Variants in SND1 observed in about 807,000 individuals in gnomAD.
SND1 encodes staphylococcal nuclease and tudor domain containing 1.
In SND1, 38 loss-of-function variants were observed where a neutral mutation model predicts 121.7. That is an observed-to-expected ratio of 0.31 (90% CI 0.24 to 0.41). The LOEUF (loss-of-function observed/expected upper bound fraction) is 0.41. Among genes scored for constraint, SND1 ranks in the 10% least tolerant of loss-of-function variants. SND1 has a pLI of 1.00. For synonymous variants in SND1, 401 were observed against 447.4 expected, an observed-to-expected ratio of 0.90 and a Z score of 1.31; for missense variants, 868 against 1,184.6, an observed-to-expected ratio of 0.73 and a Z score of 3.92.
At chr7:128,027,995 T>C (rs775305528) in intron 16 of SND1, 1 of 152,080 alleles carries the variant, frequency 6.6e-6, no homozygotes, top group Non-Finnish European at 1.5e-5. Context: ...GCAAGGCACA[T>C]GTGTGTCCAG....
At chr7:128,066,001 T>A (rs1385407922) in intron 16 of SND1, among the ~76,000 whole-genome samples, 1 of 152,196 alleles carries the variant, frequency 6.6e-6, no homozygotes, top group African/African-American at 2.4e-5. Flanking sequence ...CCTGGGAAGA[T>A]GAACAGTCTG....
intron 16 of SND1, chr7:128,030,047 G>A (rs1322298985): frequency 6.2e-7 from 1 of 1,613,338 alleles, no homozygotes; most frequent in African/African-American, 1.3e-5. Flanking sequence ...TCAGATACTT[G>A]AGGTTGAACA....
At chr7:127,828,388 G>C (rs1011375078) in intron 11 of SND1, among the ~76,000 whole-genome samples, 1 of 152,026 alleles carries the variant, frequency 6.6e-6, no homozygotes, top group Admixed American at 6.5e-5. Context: ...GTGGGGCTTT[G>C]GATCATTCCT....
chr7:127,860,641 G>A (rs760923723), intron 12 of SND1, among the ~76,000 whole-genome samples: 1 of 152,216 alleles, frequency 6.6e-6, no homozygotes, highest in East Asian at 1.9e-4. Context: ...CAAATTCATC[G>A]ATTTTATCTG....
At chr7:127,735,060 G>A (rs1397740038) in intron 10 of SND1, among the ~76,000 whole-genome samples, 1 of 152,126 alleles carries the variant, frequency 6.6e-6, no homozygotes, top group Admixed American at 6.5e-5. Context: ...TATGTGCCTG[G>A]CCCAGGTAGA....
At chr7:127,870,574 T>C (rs1799566543) in intron 12 of SND1, among the ~76,000 whole-genome samples, 1 of 152,168 alleles carries the variant, frequency 6.6e-6, no homozygotes. Context: ...CTGAATACTA[T>C]AGGCAGTTAT....
chr7:127,818,536 C>T lies in SND1; in HGVS notation c.1242+10963C>T, dbSNP rs147882670. Reference sequence around the variant, plus strand: ...TGCTGTTCCCATCTCCCTCTCAGCCCCTGGCTTGGGATTCTTAATGTTCCT... The same window carrying T: ...TGCTGTTCCCATCTCCCTCTCAGCCTCTGGCTTGGGATTCTTAATGTTCCT... On this transcript the variant is annotated intron_variant, in intron 11 of 23. Coordinates refer to ENST00000354725, the MANE Select transcript of SND1 (RefSeq NM_014390.4). Among the ~76,000 whole-genome samples the T allele has an allele frequency of 9.1e-4, 139 of 152,288 alleles. 1 individual carries two copies. Among genetic ancestry groups the T allele is most frequent in the Middle Eastern group, 3.4e-3 (1 of 294 alleles).
intron 11 of SND1, among the ~76,000 whole-genome samples, chr7:127,838,023 G>A (rs544059950): frequency 8.5e-5 from 13 of 152,120 alleles, no homozygotes; most frequent in Admixed American, 1.3e-4. Context: ...GGGTTGGACC[G>A]CACAGTCTAA....
intron 16 of SND1, among the ~76,000 whole-genome samples, chr7:128,014,465 G>T (rs1803182352): frequency 6.6e-6 from 1 of 152,204 alleles, no homozygotes; most frequent in South Asian, 2.1e-4. Flanking sequence ...CTGTCTCCAA[G>T]AGTCCTCACT....
intron 16 of SND1, among the ~76,000 whole-genome samples, chr7:128,034,158 T>C (rs562040797): frequency 2.0e-5 from 3 of 152,122 alleles, no homozygotes; most frequent in Non-Finnish European, 4.4e-5. Flanking sequence ...GCCCGCTGTG[T>C]CTACTCTTCA....
At chr7:128,070,585 A>C (rs2117045573) in intron 16 of SND1, among the ~76,000 whole-genome samples, 1 of 152,318 alleles carries the variant, frequency 6.6e-6, no homozygotes, top group South Asian at 2.1e-4. Context: ...TTTGCAAATT[A>C]CACAACACTC....
At chr7:127,758,622 C>T (rs1349422928) in intron 10 of SND1, among the ~76,000 whole-genome samples, 1 of 152,132 alleles carries the variant, frequency 6.6e-6, no homozygotes, top group Non-Finnish European at 1.5e-5. Flanking sequence ...TTTACTACTA[C>T]CTGATCATAT....
Position 128,085,696 on chromosome 7 carries a change from A to G in SND1, c.2235-15A>G, listed in dbSNP as rs1290991642. 4.3e-6 allele frequency: 7 copies of G among 1,613,812 alleles called. No homozygotes were observed. The highest frequency in any genetic ancestry group is 2.2e-5 in the East Asian group (1 of 44,868). The stretch of plus-strand genomic sequence containing the variant: ...CAGGGCTGTCTCTTGAGCTCTGCCC[A>G]TGATGCCATTGCAGGTACCGTGCCC... On this transcript the variant is annotated splice_polypyrimidine_tract_variant and intron_variant, in intron 19 of 23. Coordinates refer to ENST00000354725, the MANE Select transcript of SND1 (RefSeq NM_014390.4). This position sits in a 1 kb window ranked among gnomAD's most constrained non-coding sequence, Gnocchi z 4.4.
chr7:127,750,151 C>T (rs935767264), intron 10 of SND1, among the ~76,000 whole-genome samples: 6 of 152,122 alleles, frequency 3.9e-5, no homozygotes, highest in Non-Finnish European at 8.8e-5. Flanking sequence ...TTAACCTAAA[C>T]AAAGTTTTGT....
rs532590910 is a variant in SND1 at position 128,029,423 on chromosome 7, G to A, written c.1779+38367G>A. 5.0e-6 allele frequency: 8 copies of A among 1,614,202 alleles called. No homozygotes were observed. The South Asian group carries it at 6.6e-5, about 13-fold the overall frequency. On this transcript the variant is annotated intron_variant, in intron 16 of 23. Transcript: ENST00000354725. This position sits in a 1 kb window ranked among gnomAD's most constrained non-coding sequence, Gnocchi z 4.2. The stretch of plus-strand genomic sequence containing the variant: ...GCACGTGGGAAAAGTTCAAGGTGCC[G>A]TCGTTGAGGACAGAGATCCTTGGGT...
At chr7:128,054,337 T>C (rs1485780041) in intron 16 of SND1, among the ~76,000 whole-genome samples, 2 of 152,196 alleles carry the variant, frequency 1.3e-5, no homozygotes, top group Admixed American at 6.5e-5. Context: ...GAACAGAGGT[T>C]GGTGTTCTTA....
chr7:127,897,447 G>A (rs1209332020), intron 13 of SND1, among the ~76,000 whole-genome samples: 1 of 152,126 alleles, frequency 6.6e-6, no homozygotes, highest in Admixed American at 6.6e-5. Flanking sequence ...ACAGGATCTA[G>A]TGGTGATTTC....
intron 1 of SND1, among the ~76,000 whole-genome samples, chr7:127,665,248 A>G (rs1795393025): frequency 6.6e-6 from 1 of 150,710 alleles, no homozygotes; most frequent in Non-Finnish European, 1.5e-5. Flanking sequence ...GTGCAGTGGC[A>G]CAATCTTGGC....
intron 11 of SND1, among the ~76,000 whole-genome samples, chr7:127,808,293 G>C (rs1563020772): frequency 2.6e-5 from 4 of 151,534 alleles, no homozygotes; most frequent in African/African-American, 7.3e-5. Context: ...CTCCAGAATA[G>C]CTGGGACTGC....
Sources: gnomAD v4.1 joint callset for allele counts (sites outside exome capture counted in the v4.1 genomes callset) on GRCh38, gnomAD v4.1.1 for gene constraint, Gnocchi (gnomAD v3.1) non-coding constraint, MANE v1.5 for transcripts, NCBI Gene and HGNC (gene_info 2026-07-23, HGNC 2026-07-21) for gene names.